VPS13A: variants seen among roughly 807,000 people sequenced by gnomAD.
VPS13A encodes intermembrane lipid transfer protein VPS13A.
VPS13A carries 264 observed loss-of-function variants against 390.9 expected under a neutral mutation model. The ratio of observed to expected loss-of-function variants is 0.68; its 90% CI spans 0.61 to 0.75. VPS13A has a LOEUF of 0.75. Ranked by LOEUF, VPS13A falls within the 30% of genes least tolerant of loss-of-function variation. The pLI, the probability that VPS13A is intolerant of heterozygous loss-of-function variation, is 0.00. For missense variants in VPS13A, 3,409 were observed against 3,733.9 expected (o/e 0.91, Z 2.27); for synonymous variants, 1,231 against 1,227.1 (o/e 1.00, Z -0.07).
At chr9:77,282,042 C>T in intron 28 of VPS13A, 79 bp from the exon 29 acceptor site, 1 of 1,454,904 alleles carries the variant, frequency 6.9e-7, no homozygotes, top group Non-Finnish European at 9.6e-7. Flanking sequence ...ATCCTTTATG[C>T]CACAAAGCAT....
At chr9:77,315,521 C>T (rs1829334274) in intron 38 of VPS13A, 51 bp downstream of exon 38, 1 of 1,532,970 alleles carries the variant, frequency 6.5e-7, no homozygotes, top group Non-Finnish European at 9.0e-7. Context: ...AGTGCTACAA[C>T]AGGACTTAAC....
intron 67 of VPS13A, among the ~76,000 whole-genome samples, chr9:77,371,711 G>C (rs1037153488): frequency 2.0e-5 from 3 of 150,698 alleles, no homozygotes; most frequent in African/African-American, 7.3e-5. Context: ...CATTGCGCAG[G>C]TTAGTTACAT....
intron 1 of VPS13A, among the ~76,000 whole-genome samples, chr9:77,182,481 T>C (rs777324750): frequency 3.3e-5 from 5 of 152,202 alleles, no homozygotes; most frequent in Admixed American, 6.5e-5. Flanking sequence ...CCAGAGATTA[T>C]AAATTATTTA....
rs534170631 is a variant in VPS13A, at chr9:77,213,126, T to A, written c.615+98T>A. The A allele has an allele frequency of 6.4e-6, 10 of 1,551,158 alleles. No individual in the cohort carries two copies. In the African/African-American group the frequency reaches 1.2e-4, roughly 19 times the overall value. ...AAGGATGTATGTGAATTTTGCTTAT[T>A]TGTTTAACTCTGTGATATGGCTCAC... On this transcript the variant is annotated intron_variant, in intron 8 of 71. Coordinates refer to ENST00000360280, the MANE Select transcript of VPS13A (RefSeq NM_033305.3).
rs750436028 is a variant in VPS13A at position 77,357,756 on chromosome 9, G to T, written c.7871G>T (p.Arg2624Ile). The change falls in exon 56 of 72, where the codon AGA (arginine) becomes ATA (isoleucine). Residue 2624 changes from arginine to isoleucine, a missense_variant. By Grantham distance (97) the Arg-to-Ile change is moderately conservative (BLOSUM62 -3). This residue lies in a region of VPS13A where 221 missense variants were observed against 300.7 expected (regional missense o/e 0.73). Transcript: ENST00000360280. ...ILQPHVIALRRNYLPALKVEY... is the reference protein window; with the variant it reads ...ILQPHVIALRINYLPALKVEY... ...CAGCCGCATGTAATAGCTCTACGAA[G>T]AAATTATCTTCCAGCATTAAAAGTG... The T allele has an allele frequency of 2.5e-6, 4 of 1,613,854 alleles. No individual in the cohort carries two copies. The South Asian group carries it at 4.4e-5, about 18-fold the overall frequency.
At position 77,371,107 on chromosome 9, in the gene VPS13A, G is replaced by A. The variant is rs767484951; in HGVS notation, c.9035G>A (p.Gly3012Asp). The A allele has an allele frequency of 1.9e-6, 3 of 1,614,096 alleles. No homozygotes were observed. The highest frequency in any genetic ancestry group is 1.1e-5 in the South Asian group (1 of 91,088). Residue 3012 changes from glycine (G) to aspartate (D), a missense_variant, in exon 67 of 72, where the codon GGC becomes GAC. By Grantham distance (94) the Gly-to-Asp change is moderately conservative. Around this residue, in one of 5 missense-constraint regions of VPS13A, gnomAD observed 318 missense variants for 333.7 expected, o/e 0.95. Coordinates refer to ENST00000360280, the MANE Select transcript of VPS13A (RefSeq NM_033305.3). Reference protein sequence around the residue: ...LVGAVARPTGGIIDMASSTFQ... With the variant: ...LVGAVARPTGDIIDMASSTFQ... ...GGAGCGGTAGCAAGGCCAACTGGAG[G>A]CATCATAGACATGGCTAGCAGTACA...
chr9:77,261,189 G>A (rs1364553577), intron 23 of VPS13A, among the ~76,000 whole-genome samples: 2 of 151,958 alleles, frequency 1.3e-5, no homozygotes, highest in Non-Finnish European at 2.9e-5. Flanking sequence ...GTGAACCACC[G>A]TGCCCGGCCT....
At chr9:77,412,421 G>C (rs1333387036) in intron 71 of VPS13A, among the ~76,000 whole-genome samples, 2 of 152,296 alleles carry the variant, frequency 1.3e-5, no homozygotes, top group Non-Finnish European at 2.9e-5. Flanking sequence ...TCATCCCTGG[G>C]ATGCAAGGCT....
At chr9:77,210,489 C>T (rs1299094633) in intron 6 of VPS13A, 127 bp from the exon 7 acceptor site, 3 of 854,180 alleles carry the variant, frequency 3.5e-6, no homozygotes, top group Non-Finnish European at 5.7e-6. Context: ...AGCAGTCCTC[C>T]TGCCTTGGCC....
At chr9:77,237,841 T>C (rs1046825110) in intron 17 of VPS13A, among the ~76,000 whole-genome samples, 161 bp from the exon 18 acceptor site, 1 of 152,222 alleles carries the variant, frequency 6.6e-6, no homozygotes. Flanking sequence ...TTAATCTATG[T>C]CAATTTAGAG....
At chr9:77,242,251 T>G (rs1469786877) in intron 19 of VPS13A, among the ~76,000 whole-genome samples, 2 of 152,182 alleles carry the variant, frequency 1.3e-5, no homozygotes, top group Non-Finnish European at 2.9e-5. Context: ...GTCATTTTCC[T>G]TTGTTCTCTT....
chr9:77,200,498 C>A (rs892874056), intron 2 of VPS13A, among the ~76,000 whole-genome samples: 1 of 151,882 alleles, frequency 6.6e-6, no homozygotes, highest in Non-Finnish European at 1.5e-5. Flanking sequence ...CAAAACAAAA[C>A]AAAACAAAAA....
rs749408919 is a variant in VPS13A at position 77,332,031 on chromosome 9, C to T, written c.6013C>T (p.Pro2005Ser). The T allele has an allele frequency of 1.2e-6, 2 of 1,609,232 alleles. No individual in the cohort carries two copies. Among genetic ancestry groups the T allele is most frequent in the Non-Finnish European group, 1.7e-6 (2 of 1,176,708 alleles). ...PVQIRNHFSV[P>S]LSVYEGDTLL... ...CCAGATAAGAAATCATTTTTCAGTC[C>T]CACTGTCTGTTTACGAAGGGGATAC... Residue 2005 changes from proline to serine, a missense_variant, in exon 46 of 72, where the codon CCA (proline) becomes TCA (serine). By Grantham distance (74) the Pro-to-Ser change is moderately conservative. This residue lies in a region of VPS13A where 2,717 missense variants were observed against 2,917.4 expected (regional missense o/e 0.93). Transcript: ENST00000360280.
At chr9:77,403,853 A>C (rs932599767) in intron 69 of VPS13A, among the ~76,000 whole-genome samples, 3 of 152,220 alleles carry the variant, frequency 2.0e-5, no homozygotes, top group African/African-American at 7.2e-5. Flanking sequence ...TAGGGAAAAA[A>C]TGAGCAAGTG....
At chr9:77,316,726 T>C (rs764998049) in intron 39 of VPS13A, among the ~76,000 whole-genome samples, 2 of 152,092 alleles carry the variant, frequency 1.3e-5, no homozygotes, top group African/African-American at 2.4e-5. Flanking sequence ...TTTAAGACTT[T>C]CTGCCAGTTG....
chr9:77,255,232 C>T (rs1825373803), intron 22 of VPS13A, among the ~76,000 whole-genome samples: 1 of 151,906 alleles, frequency 6.6e-6, no homozygotes, highest in Non-Finnish European at 1.5e-5. Flanking sequence ...CCTTTCTGTG[C>T]TTTGAGATGA....
chr9:77,326,389 G>A (rs891358513), intron 45 of VPS13A, among the ~76,000 whole-genome samples: 2 of 151,916 alleles, frequency 1.3e-5, no homozygotes, highest in Admixed American at 6.6e-5. Flanking sequence ...TTAGATATAC[G>A]TTAGGGTGTT....
rs758665568 is a variant in VPS13A at position 77,228,278 on chromosome 9, T to C, written c.1595+14T>C. ...ACAAGCAATAAAGTAAGTATTAATT[T>C]ATCTTTTTTTATCATATATGAAAAA... On this transcript the variant is annotated intron_variant, in intron 17 of 71. Transcript: ENST00000360280. 1 of 1,564,280 alleles carries C rather than the reference T, an allele frequency of 6.4e-7. No homozygotes were observed. The highest frequency in any genetic ancestry group is 1.2e-5 in the South Asian group (1 of 84,340).
rs190120196 is a variant in VPS13A at position 77,335,723 on chromosome 9, G to C, written c.6096-1532G>C. On this transcript the variant is annotated intron_variant, in intron 46 of 71. Coordinates refer to ENST00000360280, the MANE Select transcript of VPS13A (RefSeq NM_033305.3). ...ACACAACAGATGTTGGAGAGGATGT[G>C]GAGAAATAGGAATGCTTTTACACTT... Among the ~76,000 whole-genome samples, 12 of 152,280 alleles carry C rather than the reference G, an allele frequency of 7.9e-5. No homozygotes were observed. The East Asian group carries it at 2.3e-3, about 29-fold the overall frequency.
Sources: allele counts gnomAD v4.1 joint callset (sites outside exome capture counted in the v4.1 genomes callset), GRCh38; gene constraint gnomAD v4.1.1; regional missense constraint gnomAD v4.1.1; transcripts MANE v1.5; gene names NCBI Gene and HGNC (gene_info 2026-07-23, HGNC 2026-07-21).